The following IST1 variants were observed in gnomAD, a reference collection of about 807,000 sequenced individuals.
IST1 encodes IST1 factor associated with ESCRT-III, also known as IST1 homolog.
Under a neutral mutation model 37.0 loss-of-function variants are expected in IST1, and 23 were observed. The observed-to-expected ratio is 0.62, with a 90% CI of 0.45 to 0.88. IST1 has a LOEUF of 0.88. Ranked by LOEUF, IST1 falls within the 40% of genes least tolerant of loss-of-function variation. The probability of loss-of-function intolerance (pLI) is 0.00; values close to 1 mark genes in which losing one functional copy is unlikely to be tolerated. For missense variants in IST1, 488 were observed against 445.4 expected, an observed-to-expected ratio of 1.10 and a Z score of -0.86; for synonymous variants, 180 against 161.7, an observed-to-expected ratio of 1.11 and a Z score of -0.86.
upstream of IST1, chr16:71,895,189 A>C: frequency 4.8e-6 from 1 of 206,818 alleles, no homozygotes; most frequent in Non-Finnish European, 1.0e-5. Flanking sequence ...TTATGGAAGA[A>C]TCCGGAACCA....
chr16:71,929,809 C>T lies in IST1; in HGVS notation c.*1996C>T, dbSNP rs186506118. On this transcript the variant is annotated 3_prime_UTR_variant, in exon 10 of 10. Coordinates refer to ENST00000378799, the MANE Select transcript of IST1 (RefSeq NM_001270975.2). Reference sequence around the variant, plus strand: ...TACTATTTCTTTAATAATTTGCAGTCAGGCATTGGAGTGTTTCCACTAATG... The same window carrying T: ...TACTATTTCTTTAATAATTTGCAGTTAGGCATTGGAGTGTTTCCACTAATG... 5 of 1,059,542 alleles carry T rather than the reference C, an allele frequency of 4.7e-6. No individual in the cohort carries two copies. The highest frequency in any genetic ancestry group is 5.9e-5 in the Admixed American group (2 of 33,970). 65.6% of individuals were successfully genotyped at this position (1,059,542 alleles called of 1,614,324 possible). A position where few individuals can be genotyped will look rare whatever the true frequency, so the allele number is the denominator to read the frequency against.
chr16:71,915,167 C>G (rs2037440700), intron 1 of IST1, among the ~76,000 whole-genome samples: 1 of 152,112 alleles, frequency 6.6e-6, no homozygotes, highest in South Asian at 2.1e-4. Flanking sequence ...AATTATGGGT[C>G]TAAATTTAAT....
rs189085705 is a variant in IST1 at position 71,923,309 on chromosome 16, A to C, written c.781A>C (p.Met261Leu). The stretch of plus-strand genomic sequence containing the variant: ...ACAGTCAGATTTCAATGGACTGCCA[A>C]TGGGGACTTATCAGGCCTTTCCCAA... The part of the protein sequence containing the change: ...KGPSDFNGLP[M>L]GTYQAFPNIH... Residue 261 changes from methionine to leucine, a missense_variant, in exon 8 of 10, where the codon ATG (methionine) becomes CTG (leucine). Physicochemically the swap from Met to Leu is conservative, Grantham distance 15 (BLOSUM62 2). Transcript: ENST00000378799. The C allele has an allele frequency of 1.1e-5, 17 of 1,610,978 alleles. No individual in the cohort carries two copies. Among genetic ancestry groups the C allele is most frequent in the Admixed American group, 1.7e-5 (1 of 59,870 alleles).
At chr16:71,909,447 C>A (rs1385626883) in intron 1 of IST1, among the ~76,000 whole-genome samples, 2 of 152,164 alleles carry the variant, frequency 1.3e-5, no homozygotes, top group Admixed American at 1.3e-4. Context: ...TCTTCTACTT[C>A]CTTACTACCA....
At chr16:71,912,949 C>T (rs1481830971) in intron 1 of IST1, among the ~76,000 whole-genome samples, 1 of 152,194 alleles carries the variant, frequency 6.6e-6, no homozygotes, top group Non-Finnish European at 1.5e-5. Context: ...CTTTCTAAGG[C>T]TGATTAGTAC....
chr16:71,899,012 A>G (rs1200981232), intron 1 of IST1, among the ~76,000 whole-genome samples: 1 of 151,514 alleles, frequency 6.6e-6, no homozygotes, highest in Non-Finnish European at 1.5e-5. Flanking sequence ...GACCCAATGA[A>G]TTTCCCATAA....
intron 1 of IST1, among the ~76,000 whole-genome samples, chr16:71,914,104 G>A (rs568344576): frequency 6.7e-5 from 5 of 74,932 alleles, no homozygotes; most frequent in East Asian, 7.3e-4. Context: ...CACTGCGCCC[G>A]GCTGGTTTTT....
At chr16:71,916,385 T>C (rs1440449975) in intron 2 of IST1, 77 bp from the exon 3 acceptor site, 2 of 1,401,732 alleles carry the variant, frequency 1.4e-6, no homozygotes, top group Non-Finnish European at 2.0e-6. Flanking sequence ...CAGTTCTTCC[T>C]GTTGGGGGGA....
rs1263531563 is a variant in IST1, at chr16:71,922,664, C to T, written c.743C>T (p.Pro248Leu). The T allele has an allele frequency of 9.3e-6, 15 of 1,605,622 alleles. No individual in the cohort carries two copies. The East Asian group carries it at 3.4e-4, about 36-fold the overall frequency. The change falls in exon 7 of 10, where the codon CCA becomes CTA. Residue 248 changes from proline (P) to leucine (L), a missense_variant. Coordinates refer to ENST00000378799, the MANE Select transcript of IST1 (RefSeq NM_001270975.2). ...MPSANTPFSYPLPKGPSDFNG... is the reference protein window; with the variant it reads ...MPSANTPFSYLLPKGPSDFNG... Reference sequence around the variant, plus strand: ...TCTGCAAATACGCCTTTCTCATATCCACTGCCAAAGGGACCAGTAAGTATA... The same window carrying T: ...TCTGCAAATACGCCTTTCTCATATCTACTGCCAAAGGGACCAGTAAGTATA...
Position 71,920,826 on chromosome 16 carries a change from A to G in IST1, c.441+4A>G. The G allele has an allele frequency of 1.9e-6, 3 of 1,601,668 alleles. No homozygotes were observed. Among genetic ancestry groups the G allele is most frequent in the Non-Finnish European group, 2.6e-6 (3 of 1,168,680 alleles). ...GATTGGAACTGTGAATGACAGGGTAATGAACATACTTGGTAAACATGAAGG... is the reference window on the plus strand; with the variant it reads ...GATTGGAACTGTGAATGACAGGGTAGTGAACATACTTGGTAAACATGAAGG... On this transcript the variant is annotated splice_donor_region_variant and intron_variant, in intron 5 of 9. Transcript: ENST00000378799.
intron 8 of IST1, 127 bp from the exon 9 acceptor site, chr16:71,924,642 G>A: frequency 2.7e-6 from 2 of 735,622 alleles, no homozygotes; most frequent in Non-Finnish European, 2.4e-6. Flanking sequence ...TGCAGGGGCA[G>A]TTTCTTTGGA....
rs1210436965 is a variant in IST1, at chr16:71,930,258, T to G, written c.*2445T>G. On this transcript the variant is annotated 3_prime_UTR_variant, in exon 10 of 10. Transcript: ENST00000378799. Reference sequence around the variant, plus strand: ...TTTACAAACATAAGCTATATGCTAGTGTTTGGGATCTTATCAGAAGAAAAG... The same window carrying G: ...TTTACAAACATAAGCTATATGCTAGGGTTTGGGATCTTATCAGAAGAAAAG... 7.2e-7 allele frequency: 1 copy of G among 1,387,418 alleles called. No homozygotes were observed. Among genetic ancestry groups the G allele is most frequent in the East Asian group, 2.5e-5 (1 of 39,218 alleles). 85.9% of individuals were successfully genotyped at this position (1,387,418 alleles called of 1,614,324 possible). A position where few individuals can be genotyped will look rare whatever the true frequency, so the allele number is the denominator to read the frequency against.
upstream of IST1, chr16:71,895,427 G>A: frequency 1.3e-6 from 1 of 765,260 alleles, no homozygotes; most frequent in Non-Finnish European, 1.6e-6. Flanking sequence ...GTGGGTCCCG[G>A]CAGCGGCGAT....
At chr16:71,905,664 G>A (rs1450963331) in intron 1 of IST1, among the ~76,000 whole-genome samples, 1 of 152,204 alleles carries the variant, frequency 6.6e-6, no homozygotes, top group African/African-American at 2.4e-5. Flanking sequence ...ACAGGCGTGA[G>A]CCACCGCACC....
chr16:71,916,789 A>C lies in IST1; in HGVS notation c.269+147A>C, dbSNP rs1597249098. 6 of 745,266 alleles carry C rather than the reference A, an allele frequency of 8.1e-6. 1 individual carries two copies. The East Asian group carries it at 1.6e-4, about 20-fold the overall frequency. 46.2% of individuals were successfully genotyped at this position (745,266 alleles called of 1,614,324 possible). On this transcript the variant is annotated intron_variant, in intron 3 of 9. Coordinates refer to ENST00000378799, the MANE Select transcript of IST1 (RefSeq NM_001270975.2). Reference sequence around the variant, plus strand: ...GAAAGGCCTGTTAAAAAGAAAATACAGAATCTGAAACTGAGAAGCCTAAAT... The same window carrying C: ...GAAAGGCCTGTTAAAAAGAAAATACCGAATCTGAAACTGAGAAGCCTAAAT...
chr16:71,914,349 A>G (rs942562038), intron 1 of IST1, among the ~76,000 whole-genome samples: 3 of 150,942 alleles, frequency 2.0e-5, no homozygotes, highest in Non-Finnish European at 4.4e-5. Flanking sequence ...TTTAGTAGAG[A>G]TGGGGTTTCA....
chr16:71,895,375 C>G (rs7193401), upstream of IST1: 1,019 of 257,574 alleles, frequency 4.0e-3, 14 homozygotes, highest in African/African-American at 0.02. Flanking sequence ...CCGGCCGCGC[C>G]GACTCCAAAG....
Position 71,916,475 on chromosome 16 carries a change from G to A in IST1, c.102G>A (p.Gln34=). ...TTTGTGTCTTAGCGGAACTGGCCCA[G>A]AAAGCAAGGAAGGAGATTGCTGACT... ...LLEKKKTELA[Q]KARKEIADYL... The change falls in exon 3 of 10, where the codon CAG becomes CAA. Residue 34 remains glutamine (Q), a synonymous_variant. Coordinates refer to ENST00000378799, the MANE Select transcript of IST1 (RefSeq NM_001270975.2). 1.2e-6 allele frequency: 2 copies of A among 1,612,338 alleles called. No individual in the cohort carries two copies. Among genetic ancestry groups the A allele is most frequent in the South Asian group, 2.2e-5 (2 of 91,002 alleles).
chr16:71,925,461 A>ATG (rs2037719672), intron 9 of IST1, among the ~76,000 whole-genome samples: 1 of 151,146 alleles, frequency 6.6e-6, no homozygotes, highest in South Asian at 2.1e-4. Flanking sequence ...GATTATAGGC[A>ATG]CACGCCACCA....
Sources: allele counts gnomAD v4.1 joint callset (sites outside exome capture counted in the v4.1 genomes callset), GRCh38; gene constraint gnomAD v4.1.1; transcripts MANE v1.5; gene names NCBI Gene and HGNC (gene_info 2026-07-23, HGNC 2026-07-21).